SOX5: variants seen among roughly 807,000 people sequenced by gnomAD.
SOX5 encodes transcription factor SOX-5.
SOX5 carries 9 observed loss-of-function variants against 92.0 expected under a neutral mutation model. The observed-to-expected ratio is 0.10, with a 90% CI of 0.06 to 0.17. The LOEUF is 0.17. Among genes scored for constraint, SOX5 ranks in the 10% least tolerant of loss-of-function variants. The pLI is 1.00. For missense variants in SOX5, 642 were observed against 944.5 expected (o/e 0.68, Z 4.20); for synonymous variants, 344 against 336.3 (o/e 1.02, Z -0.25).
At chr12:23,764,165 C>T (rs1441706828) in intron 3 of SOX5, among the ~76,000 whole-genome samples, 1 of 152,012 alleles carries the variant, frequency 6.6e-6, no homozygotes, top group Non-Finnish European at 1.5e-5. Context: ...ATTTATGATG[C>T]ATCCATAACA....
At chr12:23,727,917 T>C (rs1381994116) in intron 6 of SOX5, among the ~76,000 whole-genome samples, 1 of 152,158 alleles carries the variant, frequency 6.6e-6, no homozygotes, top group Non-Finnish European at 1.5e-5. Context: ...TGAAAATATA[T>C]ACACCTGTCA....
chr12:23,573,931 T>C lies in SOX5; in HGVS notation c.1342+1730A>G, dbSNP rs375739616. Among the ~76,000 whole-genome samples, 10 of 151,942 alleles carry C rather than the reference T, an allele frequency of 6.6e-5. No homozygotes were observed. In the South Asian group the frequency reaches 2.1e-3, roughly 32 times the overall value. ...AAATAATAATAAATGAGACAGTAAA[T>C]ATTGGTTGTTTTCTACTTCTAAGTT... On this transcript the variant is annotated intron_variant, in intron 10 of 14. Transcript: ENST00000451604.
chr12:24,475,095 TC>T (rs1250799592), intron 1 of SOX5, among the ~76,000 whole-genome samples: 1 of 152,152 alleles, frequency 6.6e-6, no homozygotes, highest in African/African-American at 2.4e-5. Context: ...AGCCTCGGCC[TC>T]CCAAAGTGCT....
chr12:24,393,347 T>G lies in SOX5; in HGVS notation c.-250-24708A>C, dbSNP rs1232208696. On this transcript the variant is annotated intron_variant, in intron 1 of 4. Coordinates refer to the SOX5 transcript ENST00000446891. The surrounding 1 kb of genome is among the most constrained non-coding windows in gnomAD (Gnocchi z 5.0). ...CTGCAAAATCATGCTGCTGACTTTT[T>G]GGGTTGTGGTCTTGCCATTGGGACA... is the stretch of plus-strand genomic sequence containing the variant. 6.6e-6 allele frequency among the ~76,000 whole-genome samples: 1 copy of G among 152,192 alleles called. No homozygotes were observed. The highest frequency in any genetic ancestry group is 1.5e-5 in the Non-Finnish European group (1 of 68,030).
At chr12:23,744,530 C>G (rs1481408795) in intron 4 of SOX5, among the ~76,000 whole-genome samples, 1 of 152,154 alleles carries the variant, frequency 6.6e-6, no homozygotes, top group Non-Finnish European at 1.5e-5. Context: ...CTACCCATCC[C>G]TGCATTGATA....
intron 3 of SOX5, among the ~76,000 whole-genome samples, chr12:23,816,675 C>G (rs1046103557): frequency 2.0e-5 from 3 of 152,116 alleles, no homozygotes; most frequent in Admixed American, 6.5e-5. Flanking sequence ...CTAGGAAAAA[C>G]AGCAGGCAAC....
At chr12:23,971,313 G>A (rs961223990) in intron 4 of SOX5, among the ~76,000 whole-genome samples, 3 of 151,028 alleles carry the variant, frequency 2.0e-5, no homozygotes, top group Non-Finnish European at 4.4e-5. Flanking sequence ...TAGTAGAGAC[G>A]GGATTTTACC....
At chr12:24,166,360 G>A (rs960882598) in intron 4 of SOX5, among the ~76,000 whole-genome samples, 2 of 152,154 alleles carry the variant, frequency 1.3e-5, no homozygotes, top group South Asian at 2.1e-4. Flanking sequence ...CAGACCTCCC[G>A]TTCAAGAGAA....
intron 3 of SOX5, among the ~76,000 whole-genome samples, chr12:23,783,703 T>C (rs2095325771): frequency 6.6e-6 from 1 of 152,222 alleles, no homozygotes; most frequent in Non-Finnish European, 1.5e-5. Context: ...TTCTTTTCTT[T>C]TTGTCTTTAC....
At chr12:24,206,538 T>C (rs911512457) in intron 4 of SOX5, among the ~76,000 whole-genome samples, 3 of 152,164 alleles carry the variant, frequency 2.0e-5, no homozygotes, top group Non-Finnish European at 2.9e-5. Flanking sequence ...AAGCTTGTAA[T>C]TACGCTTACG....
intron 2 of SOX5, among the ~76,000 whole-genome samples, chr12:24,348,039 T>C (rs1308298273): frequency 6.8e-5 from 3 of 44,252 alleles, no homozygotes; most frequent in African/African-American, 2.7e-4. Flanking sequence ...TCAGAGATAA[T>C]ACAGCTAATC....
intron 3 of SOX5, among the ~76,000 whole-genome samples, chr12:23,784,466 A>G (rs1047181088): frequency 6.6e-6 from 1 of 151,958 alleles, no homozygotes; most frequent in Non-Finnish European, 1.5e-5. Flanking sequence ...AGCTGGCACT[A>G]CAGGCACCCG....
intron 1 of SOX5, among the ~76,000 whole-genome samples, chr12:24,419,924 C>T (rs1965656171): frequency 6.6e-6 from 1 of 152,082 alleles, no homozygotes; most frequent in African/African-American, 2.4e-5. Flanking sequence ...CAGCACTTAC[C>T]AAAAGGGAGC....
intron 2 of SOX5, among the ~76,000 whole-genome samples, chr12:23,884,531 G>A (rs1451884261): frequency 1.3e-5 from 2 of 151,904 alleles, no homozygotes; most frequent in Admixed American, 6.6e-5. Context: ...CCGAAGTTAG[G>A]GTAAAATAAA....
In SOX5 at chr12:24,150,000, G is replaced by C. The variant is rs1593642453; in HGVS notation, c.-2+63343C>G. ...AAATGCAAACTAATCTATAGTGACA[G>C]AAAACAGATAGGGACATGAGAAAAC... On this transcript the variant is annotated intron_variant, in intron 4 of 4. Transcript: ENST00000446891. 2.0e-5 allele frequency among the ~76,000 whole-genome samples: 3 copies of C among 152,250 alleles called. No homozygotes were observed. In the Middle Eastern group the frequency reaches 0.01, roughly 518 times the overall value.
intron 4 of SOX5, among the ~76,000 whole-genome samples, chr12:24,210,101 C>A (rs1012576394): frequency 6.9e-6 from 1 of 143,916 alleles, no homozygotes; most frequent in Non-Finnish European, 1.5e-5. Context: ...TAATAATTTT[C>A]TGAAAATATA....
intron 1 of SOX5, among the ~76,000 whole-genome samples, chr12:24,427,209 G>T (rs1397866217): frequency 6.6e-6 from 1 of 152,068 alleles, no homozygotes; most frequent in Non-Finnish European, 1.5e-5. Flanking sequence ...ATTCTATCTG[G>T]CATGAAAAGT....
At chr12:24,482,643 T>C (rs903058818) in intron 1 of SOX5, among the ~76,000 whole-genome samples, 2 of 152,228 alleles carry the variant, frequency 1.3e-5, no homozygotes, top group Non-Finnish European at 2.9e-5. Context: ...AAAGTTGTTG[T>C]TTCAAAGTTG....
chr12:23,760,157 C>A (rs372277423), intron 3 of SOX5, among the ~76,000 whole-genome samples: 1 of 152,124 alleles, frequency 6.6e-6, no homozygotes, highest in East Asian at 1.9e-4. Context: ...AGTTAATAAT[C>A]ATTATTTGCA....
Sources: gnomAD v4.1 joint callset for allele counts (sites outside exome capture counted in the v4.1 genomes callset) on GRCh38, gnomAD v4.1.1 for gene constraint, Gnocchi (gnomAD v3.1) non-coding constraint, MANE v1.5 for transcripts, NCBI Gene and HGNC (gene_info 2026-07-23, HGNC 2026-07-21) for gene names.